ACAP2: variants seen among roughly 807,000 people sequenced by gnomAD.
ACAP2 encodes ArfGAP with coiled-coil, ankyrin repeat and PH domains 2, also known as arf-GAP with coiled-coil, ANK repeat and PH domain-containing protein 2.
Under a neutral mutation model 115.8 loss-of-function variants are expected in ACAP2, and 39 were observed. The observed-to-expected ratio is 0.34, with a 90% CI of 0.26 to 0.44. The LOEUF (loss-of-function observed/expected upper bound fraction) is 0.44. Ranked by LOEUF, ACAP2 falls within the 20% of genes least tolerant of loss-of-function variation. The pLI is 1.00. For synonymous variants in ACAP2, 289 were observed against 315.8 expected, an observed-to-expected ratio of 0.92 and a Z score of 0.90; for missense variants, 662 against 927.6, an observed-to-expected ratio of 0.71 and a Z score of 3.72.
intron 6 of ACAP2, among the ~76,000 whole-genome samples, chr3:195,338,329 A>C (rs892494124): frequency 3.3e-5 from 5 of 152,148 alleles, no homozygotes; most frequent in African/African-American, 1.2e-4. Flanking sequence ...TCTGTTGCCC[A>C]CCCTGGCCGG....
chr3:195,402,961 A>T (rs1270110530), intron 1 of ACAP2, among the ~76,000 whole-genome samples: 1 of 152,240 alleles, frequency 6.6e-6, no homozygotes, highest in African/African-American at 2.4e-5. Flanking sequence ...GGGGAAGACA[A>T]GCTATAAACA....
Position 195,427,378 on chromosome 3 carries a change from G to A in ACAP2, c.53+15417C>T, listed in dbSNP as rs768978080. ...TAAGTTTGGGGTAATTTGCTATAACGGCAATAAAAAGCTAGTCATCCATCA... is the reference window on the plus strand; with the variant it reads ...TAAGTTTGGGGTAATTTGCTATAACAGCAATAAAAAGCTAGTCATCCATCA... On this transcript the variant is annotated intron_variant, in intron 1 of 22. Coordinates refer to ENST00000326793, the MANE Select transcript of ACAP2 (RefSeq NM_012287.6). Among the ~76,000 whole-genome samples, 11 of 151,716 alleles carry A rather than the reference G, an allele frequency of 7.3e-5. 1 individual carries two copies. Among genetic ancestry groups the A allele is most frequent in the Non-Finnish European group, 1.0e-4 (7 of 67,942 alleles).
chr3:195,410,372 T>C lies in ACAP2; in HGVS notation c.54-18225A>G, dbSNP rs565341378. Among the ~76,000 whole-genome samples the C allele has an allele frequency of 2.0e-5, 3 of 152,310 alleles. No homozygotes were observed. In the East Asian group the frequency reaches 5.8e-4, roughly 29 times the overall value. ...ACACTGAATTTGGTAATTTCTTGGA[T>C]ATGATACCAAAAGCACAGGCAACAA... On this transcript the variant is annotated intron_variant, in intron 1 of 22. Transcript: ENST00000326793.
chr3:195,389,616 T>C (rs1358893372), intron 2 of ACAP2, among the ~76,000 whole-genome samples: 1 of 152,156 alleles, frequency 6.6e-6, no homozygotes, highest in African/African-American at 2.4e-5. Context: ...GTTGTCTACT[T>C]TGAGAATTTA....
At chr3:195,437,142 G>T (rs970516754) in intron 1 of ACAP2, among the ~76,000 whole-genome samples, 11 of 152,080 alleles carry the variant, frequency 7.2e-5, no homozygotes, top group African/African-American at 2.7e-4. Context: ...CAAACTCCAG[G>T]GCATCACAAT....
At chr3:195,426,883 A>G (rs1055827324) in intron 1 of ACAP2, among the ~76,000 whole-genome samples, 1 of 152,126 alleles carries the variant, frequency 6.6e-6, no homozygotes, top group African/African-American at 2.4e-5. Flanking sequence ...ATAGAGGTGA[A>G]TTTTGGGGAG....
rs1425361579 is a variant in ACAP2 at position 195,275,770 on chromosome 3, G to A, written c.*3558C>T. 6.6e-6 allele frequency: 1 copy of A among 152,186 alleles called. No homozygotes were observed. The highest frequency in any genetic ancestry group is 1.5e-5 in the Non-Finnish European group (1 of 68,040). 9.4% of individuals were successfully genotyped at this position (152,186 alleles called of 1,614,324 possible). ...ATTAAGATCTCAGAAATCCTACCAT[G>A]AGAATCCAGTGAGATAAAGCAATGC... On this transcript the variant is annotated 3_prime_UTR_variant, in exon 23 of 23. Coordinates refer to ENST00000326793, the MANE Select transcript of ACAP2 (RefSeq NM_012287.6).
intron 20 of ACAP2, among the ~76,000 whole-genome samples, chr3:195,290,976 T>C (rs1727213150): frequency 1.3e-5 from 2 of 152,116 alleles, no homozygotes; most frequent in South Asian, 4.1e-4. Flanking sequence ...ATTGCACCAG[T>C]GCACTCCTGC....
chr3:195,357,263 G>A (rs1478687298), intron 4 of ACAP2, among the ~76,000 whole-genome samples: 5 of 152,062 alleles, frequency 3.3e-5, no homozygotes, highest in Non-Finnish European at 7.4e-5. Flanking sequence ...GGGTGGGAAG[G>A]ACTGTGTCTT....
intron 21 of ACAP2, 93 bp from the exon 22 acceptor site, chr3:195,285,950 A>G: frequency 1.1e-6 from 1 of 884,078 alleles, no homozygotes; most frequent in South Asian, 1.9e-5. Context: ...TACTAATGTA[A>G]TTGTGTTTTA....
intron 11 of ACAP2, among the ~76,000 whole-genome samples, chr3:195,308,528 AT>A (rs1728559634): frequency 6.6e-6 from 1 of 152,156 alleles, no homozygotes; most frequent in South Asian, 2.1e-4. Flanking sequence ...CTATCAAAAC[AT>A]TTTAAACAAT....
intron 1 of ACAP2, among the ~76,000 whole-genome samples, chr3:195,418,681 C>A (rs188916734): frequency 6.6e-6 from 1 of 152,154 alleles, no homozygotes; most frequent in African/African-American, 2.4e-5. Flanking sequence ...CCTCCCACCA[C>A]GGCGTCCCCA....
intron 6 of ACAP2, among the ~76,000 whole-genome samples, chr3:195,341,006 T>A (rs539342710): frequency 6.6e-6 from 1 of 152,320 alleles, no homozygotes; most frequent in African/African-American, 2.4e-5. Flanking sequence ...TTCTATTTGG[T>A]TACTTGTATT....
At chr3:195,403,864 A>G (rs1577423750) in intron 1 of ACAP2, among the ~76,000 whole-genome samples, 1 of 152,284 alleles carries the variant, frequency 6.6e-6, no homozygotes, top group East Asian at 1.9e-4. Flanking sequence ...GAGAAGTCTG[A>G]GTTGGAGGTA....
chr3:195,372,987 CAAAAAAAAAAAAA>C (rs869134113), intron 4 of ACAP2, among the ~76,000 whole-genome samples: 6 of 17,780 alleles, frequency 3.4e-4, no homozygotes, highest in South Asian at 1.2e-3. Flanking sequence ...GACTCCATCT[CAAAAAAAAAAAAA>C]AAAAAAAAAA....
rs115090901 is a variant in ACAP2 at position 195,391,727 on chromosome 3, G to A, written c.111+363C>T. The stretch of plus-strand genomic sequence containing the variant: ...AAAAGCTACCAGGCCAGGTGCGATG[G>A]CTCACTCCTATAATCCTAGCACTTT... On this transcript the variant is annotated intron_variant, in intron 2 of 22. Transcript: ENST00000326793. Among the ~76,000 whole-genome samples, 1,415 of 152,102 alleles carry A rather than the reference G, an allele frequency of 9.3e-3. 23 individuals are homozygous for A. The highest frequency in any genetic ancestry group is 0.034 in the Middle Eastern group (10 of 294).
intron 4 of ACAP2, among the ~76,000 whole-genome samples, chr3:195,361,443 AAAAG>A (rs1485119304): frequency 6.8e-6 from 1 of 148,088 alleles, no homozygotes. Flanking sequence ...CTCAAAAAAA[AAAAG>A]AAAAGAAACT....
At chr3:195,294,470 C>T (rs1462562494) in intron 18 of ACAP2, among the ~76,000 whole-genome samples, 2 of 150,354 alleles carry the variant, frequency 1.3e-5, no homozygotes, top group African/African-American at 2.5e-5. Context: ...CCCAGCTACT[C>T]GGGAGGCTGA....
intron 7 of ACAP2, among the ~76,000 whole-genome samples, chr3:195,334,190 A>G (rs984381857): frequency 6.6e-6 from 1 of 150,932 alleles, no homozygotes; most frequent in African/African-American, 2.4e-5. Context: ...AAAGTCCTTA[A>G]TACTCAAAAA....
Sources: gnomAD v4.1 joint callset for allele counts (sites outside exome capture counted in the v4.1 genomes callset) on GRCh38, gnomAD v4.1.1 for gene constraint, MANE v1.5 for transcripts, NCBI Gene and HGNC (gene_info 2026-07-23, HGNC 2026-07-21) for gene names.